LRMDA: variants seen among roughly 807,000 people sequenced by gnomAD.
LRMDA encodes the protein leucine-rich melanocyte differentiation-associated protein.
Under a neutral mutation model 29.8 loss-of-function variants are expected in LRMDA, and 18 were observed. The observed-to-expected ratio is 0.60, with a 90% CI of 0.42 to 0.90. The LOEUF is 0.90. Among genes scored for constraint, LRMDA ranks in the 40% least tolerant of loss-of-function variants. The pLI is 0.00. For missense variants in LRMDA, 273 were observed against 273.9 expected (o/e 1.00, Z 0.02); for synonymous variants, 125 against 109.4 (o/e 1.14, Z -0.89).
chr10:76,010,501 A>G (rs1423800039), intron 2 of LRMDA, among the ~76,000 whole-genome samples: 1 of 151,922 alleles, frequency 6.6e-6, no homozygotes, highest in East Asian at 1.9e-4. Context: ...TTTAGTAGAG[A>G]TGGGGTTTCA....
intron 2 of LRMDA, among the ~76,000 whole-genome samples, chr10:75,906,396 A>AG (rs1845759230): frequency 6.6e-6 from 1 of 152,180 alleles, no homozygotes; most frequent in Admixed American, 6.5e-5. Context: ...GAGAACACTG[A>AG]GGCACAGAAA....
At chr10:75,956,630 T>C (rs1182561877) in intron 2 of LRMDA, among the ~76,000 whole-genome samples, 1 of 152,192 alleles carries the variant, frequency 6.6e-6, no homozygotes, top group Non-Finnish European at 1.5e-5. Flanking sequence ...GAGGTCATCA[T>C]GGGGCCCAGG....
chr10:76,464,497 A>G (rs1842544842), intron 6 of LRMDA, among the ~76,000 whole-genome samples: 1 of 152,220 alleles, frequency 6.6e-6, no homozygotes, highest in African/African-American at 2.4e-5. Flanking sequence ...GGTGAACTCT[A>G]GTACAGATGT....
intron 2 of LRMDA, among the ~76,000 whole-genome samples, chr10:76,024,604 G>C (rs1848030473): frequency 6.6e-6 from 1 of 152,196 alleles, no homozygotes. Context: ...AGAATCAACA[G>C]TTGGCACGTT....
chr10:76,535,529 A>G (rs994290039), intron 6 of LRMDA, among the ~76,000 whole-genome samples: 4 of 152,194 alleles, frequency 2.6e-5, no homozygotes, highest in Non-Finnish European at 5.9e-5. Flanking sequence ...ATAAAAATTG[A>G]TAGAGACTTG....
At chr10:75,984,509 A>C (rs1468424967) in intron 2 of LRMDA, among the ~76,000 whole-genome samples, 1 of 152,202 alleles carries the variant, frequency 6.6e-6, no homozygotes, top group African/African-American at 2.4e-5. Context: ...AACGTGTCCC[A>C]CTCACAGGGC....
chr10:76,489,251 A>G (rs1487568660), intron 6 of LRMDA, among the ~76,000 whole-genome samples: 1 of 151,788 alleles, frequency 6.6e-6, no homozygotes, highest in Non-Finnish European at 1.5e-5. Context: ...GGTAGGTGGT[A>G]TATGTCTAGA....
At chr10:76,076,514 C>T (rs1296797932) in intron 5 of LRMDA, among the ~76,000 whole-genome samples, 1 of 152,074 alleles carries the variant, frequency 6.6e-6, no homozygotes, top group Admixed American at 6.6e-5. Context: ...CACGTGATCT[C>T]ATTTTATCCT....
At chr10:76,032,344 G>A (rs1185528685) in intron 2 of LRMDA, among the ~76,000 whole-genome samples, 2 of 152,214 alleles carry the variant, frequency 1.3e-5, no homozygotes, top group African/African-American at 2.4e-5. Context: ...ACGCCTGTTC[G>A]GCGCTGCTGT....
At chr10:76,036,558 C>A (rs1160343611) in intron 3 of LRMDA, among the ~76,000 whole-genome samples, 3 of 152,220 alleles carry the variant, frequency 2.0e-5, no homozygotes, top group Non-Finnish European at 2.9e-5. Context: ...AACTTCCTCT[C>A]CTGGGAGGTT....
intron 6 of LRMDA, among the ~76,000 whole-genome samples, chr10:76,352,537 A>G (rs1841190329): frequency 6.6e-6 from 1 of 152,156 alleles, no homozygotes; most frequent in East Asian, 1.9e-4. Flanking sequence ...ATGGAACAGG[A>G]TGGTGTGAGA....
At chr10:76,344,158 TA>T (rs978814025) in intron 6 of LRMDA, among the ~76,000 whole-genome samples, 3 of 152,016 alleles carry the variant, frequency 2.0e-5, no homozygotes, top group Non-Finnish European at 4.4e-5. Flanking sequence ...GGGAAACAAC[TA>T]AAAATCTAAA....
intron 6 of LRMDA, among the ~76,000 whole-genome samples, chr10:76,381,929 A>G (rs1841597917): frequency 6.6e-6 from 1 of 152,210 alleles, no homozygotes; most frequent in South Asian, 2.1e-4. Context: ...AAAAAAGACC[A>G]TCAATTGGTT....
At chr10:76,554,272 C>CAGTATCTCTGTT (rs1295951978) in intron 6 of LRMDA, among the ~76,000 whole-genome samples, 1 of 152,186 alleles carries the variant, frequency 6.6e-6, no homozygotes, top group Non-Finnish European at 1.5e-5. Flanking sequence ...GTATCTCTGT[C>CAGTATCTCTGTT]AGTATCTCTG....
intron 6 of LRMDA, among the ~76,000 whole-genome samples, chr10:76,447,353 T>A (rs1842363862): frequency 6.6e-6 from 1 of 152,228 alleles, no homozygotes; most frequent in Non-Finnish European, 1.5e-5. Context: ...GTGCACTTTT[T>A]TCTGTAGTCA....
intron 2 of LRMDA, among the ~76,000 whole-genome samples, chr10:75,696,805 T>C (rs1842240896): frequency 6.6e-6 from 1 of 152,216 alleles, no homozygotes. Context: ...CTGTGTAATC[T>C]TGGAAGCCCC....
intron 2 of LRMDA, among the ~76,000 whole-genome samples, chr10:75,716,442 A>G (rs952683758): frequency 1.3e-5 from 2 of 152,206 alleles, no homozygotes; most frequent in Non-Finnish European, 2.9e-5. Flanking sequence ...AAAGCATCCT[A>G]AAGGGTAGAA....
chr10:76,127,208 A>G (rs79721173), intron 5 of LRMDA, among the ~76,000 whole-genome samples: 4,035 of 152,318 alleles, frequency 0.026, 163 homozygotes, highest in African/African-American at 0.09. Flanking sequence ...GATGATCTTA[A>G]TAAGTATGTT....
intron 2 of LRMDA, among the ~76,000 whole-genome samples, chr10:75,817,239 T>G (rs951417997): frequency 2.6e-5 from 4 of 152,194 alleles, no homozygotes; most frequent in Admixed American, 6.5e-5. Context: ...ACCCAAGGGA[T>G]CCAATTGGAC....
Sources: gnomAD v4.1 joint callset for allele counts (sites outside exome capture counted in the v4.1 genomes callset) on GRCh38, gnomAD v4.1.1 for gene constraint, MANE v1.5 for transcripts, NCBI Gene and HGNC (gene_info 2026-07-23, HGNC 2026-07-21) for gene names.